Variants in C3orf70 observed in about 807,000 individuals in gnomAD.
C3orf70 encodes the protein chromosome 3 open reading frame 70, also known as UPF0524 protein C3orf70.
A neutral mutation model predicts 20.7 loss-of-function variants in C3orf70; 15 were observed. The observed-to-expected ratio is 0.72, with a 90% CI of 0.48 to 1.11. The LOEUF (loss-of-function observed/expected upper bound fraction) is 1.11, where lower values mean the gene tolerates loss of function less well. Among genes scored for constraint, C3orf70 ranks in the 50% most tolerant of loss-of-function variants. C3orf70 has a pLI of 0.00. For synonymous variants in C3orf70, 161 were observed against 125.7 expected, an observed-to-expected ratio of 1.28 and a Z score of -1.88; for missense variants, 332 against 317.6, an observed-to-expected ratio of 1.05 and a Z score of -0.34.
chr3:185,119,803 A>T (rs539667310), intron 1 of C3orf70, among the ~76,000 whole-genome samples: 8 of 151,998 alleles, frequency 5.3e-5, no homozygotes, highest in African/African-American at 1.7e-4. Flanking sequence ...AGGTGGGAGG[A>T]TCATGAGGTC....
At position 185,106,977 on chromosome 3, in the gene C3orf70, G is replaced by C. The variant is rs187422096; in HGVS notation, c.197-23414C>G. On this transcript the variant is annotated intron_variant, in intron 1 of 1. Coordinates refer to ENST00000335012, the MANE Select transcript of C3orf70 (RefSeq NM_001025266.3). ...ACAGCTCCTGATTGTGCCGTATGTG[G>C]ACATGGGGAAAAGTGAAATTAAACA... Among the ~76,000 whole-genome samples, 17 of 152,292 alleles carry C rather than the reference G, an allele frequency of 1.1e-4. 1 individual carries two copies. Among genetic ancestry groups the C allele is most frequent in the Admixed American group, 9.8e-4 (15 of 15,290 alleles).
At chr3:185,118,119 C>G (rs1716220394) in intron 1 of C3orf70, among the ~76,000 whole-genome samples, 1 of 152,038 alleles carries the variant, frequency 6.6e-6, no homozygotes, top group South Asian at 2.1e-4. Flanking sequence ...CTAATATGTC[C>G]CCAAGGCAGT....
At position 185,152,718 on chromosome 3, in the gene C3orf70, G is replaced by A. The variant is rs1184621763; in HGVS notation, c.106C>T (p.Gln36Ter). The A allele has an allele frequency of 1.3e-6, 2 of 1,594,094 alleles. No homozygotes were observed. The highest frequency in any genetic ancestry group is 1.7e-6 in the Non-Finnish European group (2 of 1,171,002). ...RSCAARRPDFQPCDGLSICAT... is the reference protein window; with the variant it reads ...RSCAARRPDF Reference sequence around the variant, plus strand: ...CAGATAGACAGCCCGTCGCACGGCTGGAAGTCGGGTCTGCGGGCGGCGCAA... The same window carrying A: ...CAGATAGACAGCCCGTCGCACGGCTAGAAGTCGGGTCTGCGGGCGGCGCAA... Residue 36 changes from glutamine (Q) to a stop codon, truncating the protein, a stop_gained, in exon 1 of 2, where the codon CAG (glutamine) becomes TAG (stop). Coordinates refer to ENST00000335012, the MANE Select transcript of C3orf70 (RefSeq NM_001025266.3). LOFTEE classifies it high-confidence loss of function.
chr3:185,092,051 G>A (rs1446523757), intron 1 of C3orf70, among the ~76,000 whole-genome samples: 1 of 145,270 alleles, frequency 6.9e-6, no homozygotes, highest in Admixed American at 7.0e-5. Context: ...CACCTGCCTC[G>A]GCCTCCCAAA....
Position 185,107,248 on chromosome 3 carries a change from T to C in C3orf70, c.197-23685A>G, listed in dbSNP as rs530206482. Reference sequence around the variant, plus strand: ...CCTGAAGTATATCAAAGTAGTTATATCTTGCATTGTGAAGGGCCCGATGGA... The same window carrying C: ...CCTGAAGTATATCAAAGTAGTTATACCTTGCATTGTGAAGGGCCCGATGGA... On this transcript the variant is annotated intron_variant, in intron 1 of 1. Transcript: ENST00000335012. Among the ~76,000 whole-genome samples the C allele has an allele frequency of 1.4e-3, 209 of 152,316 alleles. 1 individual carries two copies. In the South Asian group the frequency reaches 0.021, roughly 16 times the overall value.
chr3:185,084,364 T>C (rs898532083), intron 1 of C3orf70, among the ~76,000 whole-genome samples: 5 of 152,118 alleles, frequency 3.3e-5, no homozygotes, highest in Non-Finnish European at 5.9e-5. Context: ...AATTATAAGA[T>C]ACATACACCT....
intron 1 of C3orf70, among the ~76,000 whole-genome samples, chr3:185,146,825 GAAC>G (rs767547420): frequency 1.2e-4 from 19 of 152,124 alleles, no homozygotes; most frequent in African/African-American, 1.7e-4. Context: ...AAACAGAATA[GAAC>G]AACACAAAAT....
At chr3:185,134,830 G>A (rs1037316859) in intron 1 of C3orf70, among the ~76,000 whole-genome samples, 8 of 152,116 alleles carry the variant, frequency 5.3e-5, no homozygotes, top group Admixed American at 1.3e-4. Context: ...GGACTCAGTG[G>A]TACTGAGGCC....
intron 1 of C3orf70, among the ~76,000 whole-genome samples, chr3:185,140,922 C>T (rs1357317110): frequency 2.7e-5 from 4 of 149,714 alleles, no homozygotes; most frequent in Non-Finnish European, 3.0e-5. Flanking sequence ...GACCCGAGAT[C>T]GTGCCACTGC....
intron 1 of C3orf70, among the ~76,000 whole-genome samples, chr3:185,142,979 C>A (rs116112217): frequency 6.6e-6 from 1 of 152,184 alleles, no homozygotes; most frequent in Non-Finnish European, 1.5e-5. Flanking sequence ...TTAAAAGTGG[C>A]TAAAGTTACC....
chr3:185,088,764 C>G (rs1319596428), intron 1 of C3orf70, among the ~76,000 whole-genome samples: 2 of 152,140 alleles, frequency 1.3e-5, no homozygotes, highest in Admixed American at 1.3e-4. Context: ...CATACTTTCA[C>G]CAATTTTAGC....
intron 1 of C3orf70, among the ~76,000 whole-genome samples, chr3:185,108,733 C>T (rs1221212812): frequency 2.0e-5 from 3 of 152,210 alleles, no homozygotes; most frequent in Admixed American, 6.5e-5. Flanking sequence ...ATGGTACATT[C>T]CTCATCTTTT....
intron 1 of C3orf70, among the ~76,000 whole-genome samples, chr3:185,100,145 C>T (rs1715791896): frequency 6.6e-6 from 1 of 151,922 alleles, no homozygotes; most frequent in South Asian, 2.1e-4. Flanking sequence ...ATCACCGAGG[C>T]AAAAAATTAA....
Position 185,106,113 on chromosome 3 carries a change from G to A in C3orf70, c.197-22550C>T, listed in dbSNP as rs182899499. 5.9e-5 allele frequency among the ~76,000 whole-genome samples: 9 copies of A among 152,282 alleles called. No individual in the cohort carries two copies. In the East Asian group the frequency reaches 1.7e-3, roughly 29 times the overall value. ...GTGAAAAGTAGTTGCCCCAGTGATT[G>A]TTCGAGCAGCGCCTCGAGCAACCGC... On this transcript the variant is annotated intron_variant, in intron 1 of 1. Coordinates refer to ENST00000335012, the MANE Select transcript of C3orf70 (RefSeq NM_001025266.3).
chr3:185,102,240 T>C (rs751943630), intron 1 of C3orf70, among the ~76,000 whole-genome samples: 2 of 152,180 alleles, frequency 1.3e-5, no homozygotes, highest in African/African-American at 4.8e-5. Context: ...ACAAATTCAA[T>C]GTACAGAAAT....
intron 1 of C3orf70, among the ~76,000 whole-genome samples, chr3:185,100,322 A>C (rs978608139): frequency 1.3e-5 from 2 of 152,220 alleles, no homozygotes. Context: ...CAAATGCAAA[A>C]TAACTGAAAT....
intron 1 of C3orf70, among the ~76,000 whole-genome samples, chr3:185,087,274 AAG>A (rs1218426351): frequency 1.3e-5 from 2 of 152,230 alleles, no homozygotes; most frequent in Non-Finnish European, 2.9e-5. Context: ...CTCAGAGAAA[AAG>A]AGAGCAAAAG....
Position 185,138,825 on chromosome 3 carries a change from C to T in C3orf70, c.196+13803G>A, listed in dbSNP as rs146089873. Among the ~76,000 whole-genome samples the T allele has an allele frequency of 7.2e-3, 1,099 of 152,260 alleles. 14 individuals are homozygous for T. Among genetic ancestry groups the T allele is most frequent in the African/African-American group, 0.025 (1,045 of 41,528 alleles). Reference sequence around the variant, plus strand: ...CTTAAAGGTGAAAGATTTGGCTGGGCGCAGTGGCTCACACCTGTAATCCCA... The same window carrying T: ...CTTAAAGGTGAAAGATTTGGCTGGGTGCAGTGGCTCACACCTGTAATCCCA... On this transcript the variant is annotated intron_variant, in intron 1 of 1. Coordinates refer to ENST00000335012, the MANE Select transcript of C3orf70 (RefSeq NM_001025266.3).
At position 185,111,577 on chromosome 3, in the gene C3orf70, G is replaced by A. The variant is rs571910387; in HGVS notation, c.197-28014C>T. On this transcript the variant is annotated intron_variant, in intron 1 of 1. Coordinates refer to ENST00000335012, the MANE Select transcript of C3orf70 (RefSeq NM_001025266.3). ...CTTCAATAAAAAAGACAATAAAAAC[G>A]GTTGGCAAGACTGTGGAGAACTGGA... 2.0e-4 allele frequency among the ~76,000 whole-genome samples: 31 copies of A among 152,252 alleles called. 1 individual carries two copies. Among genetic ancestry groups the A allele is most frequent in the Admixed American group, 1.7e-3 (26 of 15,284 alleles).
Sources: gnomAD v4.1 joint callset for allele counts (sites outside exome capture counted in the v4.1 genomes callset) on GRCh38, gnomAD v4.1.1 for gene constraint, MANE v1.5 for transcripts, NCBI Gene and HGNC (gene_info 2026-07-23, HGNC 2026-07-21) for gene names.